The following KCNIP4 variants were observed in gnomAD, a reference collection of about 807,000 sequenced individuals.
The protein encoded by KCNIP4 is potassium voltage-gated channel interacting protein 4, also known as Kv channel-interacting protein 4.
Under a neutral mutation model 34.0 loss-of-function variants are expected in KCNIP4, and 12 were observed. That is an observed-to-expected ratio of 0.35 (90% CI 0.23 to 0.57). The LOEUF (loss-of-function observed/expected upper bound fraction) is 0.57. KCNIP4 is among the 20% of genes least tolerant of loss of function. KCNIP4 has a pLI of 0.83. For synonymous variants in KCNIP4, 124 were observed against 102.2 expected (o/e 1.21, Z -1.29); for missense variants, 238 against 311.7 (o/e 0.76, Z 1.78).
chr4:21,895,832 A>G (rs1432683258), intron 1 of KCNIP4, among the ~76,000 whole-genome samples: 1 of 152,192 alleles, frequency 6.6e-6, no homozygotes, highest in Non-Finnish European at 1.5e-5. Context: ...ATTGGTGGCC[A>G]TCTAACAACA....
intron 1 of KCNIP4, among the ~76,000 whole-genome samples, chr4:21,758,641 T>C (rs1577950780): frequency 6.6e-6 from 1 of 152,256 alleles, no homozygotes; most frequent in African/African-American, 2.4e-5. Context: ...AATTAGAGAT[T>C]CCCAGCCATA....
chr4:21,347,357 T>C (rs17520919), intron 1 of KCNIP4, among the ~76,000 whole-genome samples: 15,372 of 152,154 alleles, frequency 0.1, 866 homozygotes, highest in South Asian at 0.16. Flanking sequence ...TAGACCCTCA[T>C]AGGATATGCC....
intron 3 of KCNIP4, among the ~76,000 whole-genome samples, chr4:20,808,003 A>G (rs965955708): frequency 1.3e-5 from 2 of 152,196 alleles, no homozygotes; most frequent in Non-Finnish European, 2.9e-5. Context: ...GCAGTTTTAG[A>G]GAACTTGAGA....
intron 5 of KCNIP4, among the ~76,000 whole-genome samples, chr4:20,738,356 T>C (rs1048547401): frequency 2.0e-5 from 3 of 152,240 alleles, no homozygotes; most frequent in African/African-American, 7.2e-5. Context: ...AGAGTATTGG[T>C]TCTCAAAATA....
intron 1 of KCNIP4, among the ~76,000 whole-genome samples, chr4:21,361,250 T>A (rs1434274598): frequency 6.6e-6 from 1 of 152,098 alleles, no homozygotes; most frequent in Non-Finnish European, 1.5e-5. Flanking sequence ...CATTTTTTGA[T>A]TCTTCAGATT....
chr4:21,007,760 T>G (rs1306319664), intron 1 of KCNIP4, among the ~76,000 whole-genome samples: 1 of 152,182 alleles, frequency 6.6e-6, no homozygotes, highest in Non-Finnish European at 1.5e-5. Context: ...AAGCCCTGAT[T>G]TTGAACAGTC....
intron 1 of KCNIP4, among the ~76,000 whole-genome samples, chr4:21,150,106 G>A (rs775780557): frequency 1.3e-5 from 2 of 152,184 alleles, no homozygotes; most frequent in Non-Finnish European, 2.9e-5. Flanking sequence ...TCAGCAAAGA[G>A]AGGATGACTC....
intron 1 of KCNIP4, among the ~76,000 whole-genome samples, chr4:20,934,483 A>G (rs546153321): frequency 6.6e-6 from 1 of 152,002 alleles, no homozygotes; most frequent in Non-Finnish European, 1.5e-5. Flanking sequence ...CCTCTTTCAA[A>G]TCCTTGGCAA....
chr4:21,807,956 A>G (rs1721403846), intron 1 of KCNIP4, among the ~76,000 whole-genome samples: 1 of 152,228 alleles, frequency 6.6e-6, no homozygotes, highest in African/African-American at 2.4e-5. Flanking sequence ...CCTAAAAGCT[A>G]GGTTTACATT....
At chr4:21,649,905 C>G (rs971020369) in intron 1 of KCNIP4, among the ~76,000 whole-genome samples, 1 of 152,184 alleles carries the variant, frequency 6.6e-6, no homozygotes, top group African/African-American at 2.4e-5. Flanking sequence ...GAGTGAGGGT[C>G]ATATTTTATC....
intron 1 of KCNIP4, among the ~76,000 whole-genome samples, chr4:21,139,823 G>A (rs1385756149): frequency 2.6e-5 from 4 of 152,132 alleles, no homozygotes; most frequent in Non-Finnish European, 4.4e-5. Flanking sequence ...GGCTGTTTCC[G>A]AGGGACTCTA....
chr4:20,801,771 G>T (rs1714264267), intron 3 of KCNIP4, among the ~76,000 whole-genome samples: 1 of 151,980 alleles, frequency 6.6e-6, no homozygotes, highest in African/African-American at 2.4e-5. Context: ...AGGAAGAAAG[G>T]ATCGACAGAG....
intron 1 of KCNIP4, among the ~76,000 whole-genome samples, chr4:21,464,022 A>ATGATCCT (rs1163308379): frequency 2.0e-5 from 3 of 151,968 alleles, no homozygotes; most frequent in Non-Finnish European, 4.4e-5. Context: ...GCATTCCTAT[A>ATGATCCT]TGATCCTTTT....
At chr4:21,538,011 C>CAAAAAAA (rs71191517) in intron 1 of KCNIP4, among the ~76,000 whole-genome samples, 25 of 51,262 alleles carry the variant, frequency 4.9e-4, no homozygotes, top group East Asian at 5.4e-4. Flanking sequence ...GATTCCGTCT[C>CAAAAAAA]AAAAAAAAAA....
At chr4:21,297,102 G>GTA (rs35254813) in intron 1 of KCNIP4, among the ~76,000 whole-genome samples, 14,595 of 144,022 alleles carry the variant, frequency 0.1, 1,215 homozygotes, top group African/African-American at 0.21. Flanking sequence ...TCAAATATGT[G>GTA]TATATATATA....
intron 1 of KCNIP4, among the ~76,000 whole-genome samples, chr4:21,344,836 A>G (rs1560309813): frequency 6.6e-6 from 1 of 152,328 alleles, no homozygotes; most frequent in African/African-American, 2.4e-5. Context: ...GACTGCCCAC[A>G]GGCATTCTGA....
chr4:21,234,215 TTATATATAACATATATAACA>T (rs1487184426), intron 1 of KCNIP4, among the ~76,000 whole-genome samples: 2 of 104,936 alleles, frequency 1.9e-5, no homozygotes, highest in African/African-American at 4.1e-5. Flanking sequence ...ATAACGTATA[TTATATATAACATATATAACA>T]TATATATAAC....
intron 1 of KCNIP4, among the ~76,000 whole-genome samples, chr4:21,214,887 C>A (rs892750962): frequency 2.0e-5 from 3 of 152,220 alleles, no homozygotes; most frequent in Admixed American, 2.0e-4. Flanking sequence ...TTAGCAAATG[C>A]ATTTGGCAAA....
rs138106726 is a variant in KCNIP4, at chr4:20,887,242, T to G, written c.62-4533A>C. On this transcript the variant is annotated intron_variant, in intron 1 of 8. Coordinates refer to ENST00000382152, the MANE Select transcript of KCNIP4 (RefSeq NM_025221.6). Reference sequence around the variant, plus strand: ...AAAAGATTTAAAAATAAAGAGAGCTTTACTCATCTGTGCATCATATCAAAA... The same window carrying G: ...AAAAGATTTAAAAATAAAGAGAGCTGTACTCATCTGTGCATCATATCAAAA... Among the ~76,000 whole-genome samples, 1,064 of 151,894 alleles carry G rather than the reference T, an allele frequency of 7.0e-3. 5 individuals are homozygous for G. Among genetic ancestry groups the G allele is most frequent in the Non-Finnish European group, 0.011 (760 of 67,918 alleles).
Sources: gnomAD v4.1 joint callset for allele counts (sites outside exome capture counted in the v4.1 genomes callset) on GRCh38, gnomAD v4.1.1 for gene constraint, MANE v1.5 for transcripts, NCBI Gene and HGNC (gene_info 2026-07-23, HGNC 2026-07-21) for gene names.